The following SNRPN variants were observed in gnomAD, a reference collection of about 807,000 sequenced individuals.
SNRPN encodes small nuclear ribonucleoprotein-associated protein N.
In SNRPN, 7 loss-of-function variants were observed where a neutral mutation model predicts 25.2. The ratio of observed to expected loss-of-function variants is 0.28; its 90% CI spans 0.16 to 0.52. The LOEUF (loss-of-function observed/expected upper bound fraction) is 0.52, where lower values mean the gene tolerates loss of function less well. Ranked by LOEUF, SNRPN falls within the 20% of genes least tolerant of loss-of-function variation. The probability of loss-of-function intolerance (pLI) is 0.96; values close to 1 mark genes in which losing one functional copy is unlikely to be tolerated. For missense variants in SNRPN, 196 were observed against 322.5 expected, an observed-to-expected ratio of 0.61 and a Z score of 3.00; for synonymous variants, 124 against 110.6, an observed-to-expected ratio of 1.12 and a Z score of -0.76.
Position 24,977,803 on chromosome 15 carries a change from C to A in SNRPN, c.446C>A (p.Thr149Asn). Residue 149 changes from threonine (T) to asparagine (N), a missense_variant, in exon 8 of 10, where the codon ACT (threonine) becomes AAT (asparagine). Physicochemically the swap from Thr to Asn is moderately conservative, Grantham distance 65 (BLOSUM62 0). Transcript: ENST00000390687. ...GTAATGACTCCACAGGGAAGAGGCA[C>A]TGTAGCAGCTGCTGCTGTTGCTGCG... is the stretch of plus-strand genomic sequence containing the variant. ...QQVMTPQGRG[T>N]VAAAAVAATA... 1 of 1,613,008 alleles carries A rather than the reference C, an allele frequency of 6.2e-7. No individual in the cohort carries two copies. Among genetic ancestry groups the A allele is most frequent in the Non-Finnish European group, 8.5e-7 (1 of 1,179,420 alleles).
At chr15:24,840,662 G>A (rs753546338) in intron 2 of SNRPN, among the ~76,000 whole-genome samples, 2 of 152,184 alleles carry the variant, frequency 1.3e-5, no homozygotes, top group Non-Finnish European at 2.9e-5. Context: ...GATGCATGTT[G>A]TCTCCAGTAC....
rs11635971 is a variant in SNRPN, at chr15:24,835,115, C to G, written c.-579+5210C>G. On this transcript the variant is annotated intron_variant, in intron 2 of 12. Coordinates refer to the SNRPN transcript ENST00000400100. ...ATATATAGATATATATACTATATAT[C>G]TATATATAAAATATATAGATATATA... Among the ~76,000 whole-genome samples, 2 of 34,808 alleles carry G rather than the reference C, an allele frequency of 5.7e-5. 1 individual carries two copies. Among genetic ancestry groups the G allele is most frequent in the Non-Finnish European group, 1.2e-4 (2 of 16,068 alleles). 22.8% of individuals were successfully genotyped at this position (34,808 alleles called of 152,430 possible).
At position 24,920,737 on chromosome 15, in the gene SNRPN, C is replaced by T. The variant is rs114543514; in HGVS notation, c.-391+613C>T. On this transcript the variant is annotated intron_variant, in intron 3 of 11. Transcript: ENST00000400097. ...GCGTGTATAGAGGCATAAACTCAAT[C>T]CCAGACCTATGGATTCAGAATCACA... Among the ~76,000 whole-genome samples, 353 of 152,260 alleles carry T rather than the reference C, an allele frequency of 2.3e-3. 3 individuals carry two copies. The highest frequency in any genetic ancestry group is 8.1e-3 in the African/African-American group (337 of 41,556).
Position 24,978,417 on chromosome 15 carries a change from C to T in SNRPN, c.696C>T (p.Pro232=). ...CTATTTCCTTTCCAGGTCCACCTCC[C>T]CCAGGAATGCGTCCACCAAGACCTT... ...PPPPGIRGPP[P]PGMRPPRP Residue 232 remains proline, a synonymous_variant, in exon 10 of 10, where the codon CCC becomes CCT. Transcript: ENST00000390687. 1 of 1,613,830 alleles carries T rather than the reference C, an allele frequency of 6.2e-7. No homozygotes were observed. Among genetic ancestry groups the T allele is most frequent in the Non-Finnish European group, 8.5e-7 (1 of 1,179,934 alleles).
chr15:24,884,667 G>A (rs375191108), intron 1 of SNRPN, among the ~76,000 whole-genome samples: 1 of 152,174 alleles, frequency 6.6e-6, no homozygotes, highest in East Asian at 1.9e-4. Flanking sequence ...TATTTCATAT[G>A]GATAGGCCAC....
At chr15:24,949,127 T>C (rs2062073235) in intron 3 of SNRPN, among the ~76,000 whole-genome samples, 1 of 145,888 alleles carries the variant, frequency 6.9e-6, no homozygotes, top group African/African-American at 2.5e-5. Context: ...GTTCAAGTGA[T>C]CCTCCTGCCT....
intron 2 of SNRPN, among the ~76,000 whole-genome samples, chr15:24,841,281 C>T (rs1462665833): frequency 2.0e-5 from 3 of 151,972 alleles, no homozygotes; most frequent in South Asian, 2.1e-4. Context: ...GGATACGGCC[C>T]ACTATTGTGT....
intron 3 of SNRPN, among the ~76,000 whole-genome samples, chr15:24,931,023 C>G (rs1458912580): frequency 6.6e-6 from 1 of 152,052 alleles, no homozygotes; most frequent in African/African-American, 2.4e-5. Flanking sequence ...GCACTCCAGC[C>G]TGGGCGACAG....
At chr15:24,827,518 A>G in intron 1 of SNRPN, among the ~76,000 whole-genome samples, 1 of 49,878 alleles carries the variant, frequency 2.0e-5, no homozygotes, top group East Asian at 6.1e-4. Flanking sequence ...TCTGTCTCAA[A>G]AAAAAAAAAA....
chr15:24,975,279 G>A, intron 4 of SNRPN, 79 bp from the exon 5 acceptor site: 1 of 1,104,676 alleles, frequency 9.1e-7, no homozygotes, highest in Non-Finnish European at 1.3e-6. Context: ...GATTATGTAA[G>A]GGTGGAGAAG....
At chr15:24,964,307 C>T (rs979880271) in intron 2 of SNRPN, among the ~76,000 whole-genome samples, 1 of 151,982 alleles carries the variant, frequency 6.6e-6, no homozygotes, top group Non-Finnish European at 1.5e-5. Flanking sequence ...GATATGAAAT[C>T]TCTTTTTTCA....
At position 24,965,807 on chromosome 15, in the gene SNRPN, G is replaced by A. The variant is rs1046694397; in HGVS notation, c.-294-2125G>A. On this transcript the variant is annotated intron_variant, in intron 2 of 9. Coordinates refer to ENST00000390687, the MANE Select transcript of SNRPN (RefSeq NM_003097.6). ...GTCTTTAATCTTCTATTGGGTTACA[G>A]GTTAGATCTGAGGGGGACATTGCAA... is the stretch of plus-strand genomic sequence containing the variant. 2.6e-5 allele frequency among the ~76,000 whole-genome samples: 4 copies of A among 152,034 alleles called. No individual in the cohort carries two copies. In the South Asian group the frequency reaches 8.3e-4, roughly 32 times the overall value.
chr15:24,938,995 A>G (rs1322871971), intron 3 of SNRPN, among the ~76,000 whole-genome samples: 1 of 152,178 alleles, frequency 6.6e-6, no homozygotes, highest in African/African-American at 2.4e-5. Context: ...ATGATTTGCA[A>G]GGCCCTCAAA....
chr15:24,963,133 C>T (rs28405709), intron 2 of SNRPN, among the ~76,000 whole-genome samples: 5 of 152,086 alleles, frequency 3.3e-5, no homozygotes, highest in Non-Finnish European at 7.4e-5. Flanking sequence ...TGTGTGCATA[C>T]GACACCGTGC....
chr15:24,904,942 C>CAA (rs33929037), intron 2 of SNRPN, among the ~76,000 whole-genome samples: 8,187 of 88,138 alleles, frequency 0.093, 384 homozygotes, highest in East Asian at 0.35. Context: ...GACTCCGTCT[C>CAA]AAAAAAAAAA....
chr15:24,847,299 G>GA (rs1353647518), intron 2 of SNRPN, among the ~76,000 whole-genome samples: 9 of 152,146 alleles, frequency 5.9e-5, no homozygotes, highest in Admixed American at 2.6e-4. Flanking sequence ...GTGAGGCCCA[G>GA]GAACCGGAAA....
intron 1 of SNRPN, among the ~76,000 whole-genome samples, chr15:24,886,211 T>A (rs982485388): frequency 1.3e-5 from 2 of 152,164 alleles, no homozygotes; most frequent in Admixed American, 1.3e-4. Context: ...TCCTCCACCA[T>A]CCCTTAAGTG....
intron 2 of SNRPN, among the ~76,000 whole-genome samples, chr15:24,919,737 A>AT (rs1400449642): frequency 1.3e-5 from 2 of 152,184 alleles, no homozygotes; most frequent in Non-Finnish European, 2.9e-5. Flanking sequence ...ATTAAGGGTG[A>AT]TCAGATATCA....
At chr15:24,958,149 C>T (rs1256329303) in intron 1 of SNRPN, among the ~76,000 whole-genome samples, 1 of 152,136 alleles carries the variant, frequency 6.6e-6, no homozygotes, top group East Asian at 1.9e-4. Context: ...TTTATAGTTA[C>T]TCTGTATCTT....
Sources: allele counts gnomAD v4.1 joint callset (sites outside exome capture counted in the v4.1 genomes callset), GRCh38; gene constraint gnomAD v4.1.1; transcripts MANE v1.5; gene names NCBI Gene and HGNC (gene_info 2026-07-23, HGNC 2026-07-21).